Variants in PCDHGA11 observed in about 807,000 individuals in gnomAD.
PCDHGA11 encodes protocadherin gamma subfamily A, 11.
Under a neutral mutation model 60.4 loss-of-function variants are expected in PCDHGA11, and 39 were observed. That is an observed-to-expected ratio of 0.65 (90% CI 0.50 to 0.84). The LOEUF is 0.84. Among genes scored for constraint, PCDHGA11 ranks in the 40% least tolerant of loss-of-function variants. The pLI is 0.00. For missense variants in PCDHGA11, 1,165 were observed against 1,197.7 expected (o/e 0.97, Z 0.40); for synonymous variants, 533 against 510.3 (o/e 1.04, Z -0.60).
chr5:141,485,214 G>T lies in PCDHGA11; in HGVS notation c.2434-9593G>T. 6.2e-7 allele frequency: 1 copy of T among 1,614,164 alleles called. No individual in the cohort carries two copies. The highest frequency in any genetic ancestry group is 8.5e-7 in the Non-Finnish European group (1 of 1,179,996). On this transcript the variant is annotated intron_variant, in intron 1 of 3. Transcript: ENST00000398587. This position sits in a 1 kb window ranked among gnomAD's most constrained non-coding sequence, Gnocchi z 5.7. ...AGAAGCTGGACAGAAATCTGGCGGT[G>T]GGCTACCCTTTTGTTCCTCTTTTAC...
rs759779291 is a variant in PCDHGA11, at chr5:141,421,860, C to T, written c.633C>T (p.Leu211=). The T allele has an allele frequency of 6.2e-7, 1 of 1,613,750 alleles. No homozygotes were observed. ...LDREKEAAHL[L]LLTALDGGDP... The stretch of plus-strand genomic sequence containing the variant: ...GAGAGAAAGAGGCTGCTCACCTGCT[C>T]CTCCTCACAGCTTTAGATGGAGGCG... Residue 211 remains leucine, a synonymous_variant, in exon 1 of 4, where the codon CTC becomes CTT. Coordinates refer to ENST00000398587, the MANE Select transcript of PCDHGA11 (RefSeq NM_018914.3).
chr5:141,421,309 C>T lies in PCDHGA11; in HGVS notation c.82C>T (p.Arg28Trp), dbSNP rs781110850. 5.6e-6 allele frequency: 9 copies of T among 1,613,516 alleles called. No homozygotes were observed. Among genetic ancestry groups the T allele is most frequent in the Admixed American group, 1.7e-5 (1 of 59,968 alleles). The change falls in exon 1 of 4, where the codon CGG (arginine) becomes TGG (tryptophan). Residue 28 changes from arginine to tryptophan, a missense_variant. Transcript: ENST00000398587. ...CIFLGTLRGFRARQIRYSVPE... is the reference protein window; with the variant it reads ...CIFLGTLRGFWARQIRYSVPE... The stretch of plus-strand genomic sequence containing the variant: ...TTTCCTGGGGACGCTGCGGGGGTTC[C>T]GGGCCAGGCAGATCCGATATTCGGT...
intron 2 of PCDHGA11, 117 bp downstream of exon 2, chr5:141,494,982 G>C: frequency 6.4e-7 from 1 of 1,563,940 alleles, no homozygotes; most frequent in Non-Finnish European, 8.7e-7. Context: ...CTCAGTTTGA[G>C]ATCCCAGGGA....
At chr5:141,510,431 G>A (rs912708135) in intron 3 of PCDHGA11, among the ~76,000 whole-genome samples, 9 of 152,132 alleles carry the variant, frequency 5.9e-5, no homozygotes, top group African/African-American at 1.9e-4. Flanking sequence ...TTTCATGGCT[G>A]CTGCCCTCCA....
Position 141,511,252 on chromosome 5 carries a change from G to C in PCDHGA11, c.*79G>C. 6.4e-7 allele frequency: 1 copy of C among 1,568,260 alleles called. No homozygotes were observed. The highest frequency in any genetic ancestry group is 8.6e-7 in the Non-Finnish European group (1 of 1,157,002). On this transcript the variant is annotated 3_prime_UTR_variant, in exon 4 of 4. Coordinates refer to ENST00000398587, the MANE Select transcript of PCDHGA11 (RefSeq NM_018914.3). ...TCTCCTTACCTGCACCCAGGCCTCA[G>C]AGTTTCAGGGCTAACCCCCAGAATA... is the stretch of plus-strand genomic sequence containing the variant.
Position 141,511,250 on chromosome 5 carries a change from CAG to C in PCDHGA11, c.*80_*81del. 2 of 1,571,674 alleles carry C rather than the reference CAG, an allele frequency of 1.3e-6. No homozygotes were observed. Among genetic ancestry groups the C allele is most frequent in the Non-Finnish European group, 1.7e-6 (2 of 1,158,794 alleles). On this transcript the variant is annotated 3_prime_UTR_variant, in exon 4 of 4. Transcript: ENST00000398587. ...CTTCTCCTTACCTGCACCCAGGCCT[CAG>C]AGTTTCAGGGCTAACCCCCAGAATA...
chr5:141,477,747 C>A lies in PCDHGA11; in HGVS notation c.2434-17060C>A. ...ACAGCTCATATCAGCGATGGGGGCA[C>A]CCCGGTCCTAGCCACCAACATCAGC... On this transcript the variant is annotated intron_variant, in intron 1 of 3. Coordinates refer to ENST00000398587, the MANE Select transcript of PCDHGA11 (RefSeq NM_018914.3). The surrounding 1 kb of genome is among the most constrained non-coding windows in gnomAD (Gnocchi z 4.9). 1.9e-6 allele frequency: 3 copies of A among 1,613,840 alleles called. No individual in the cohort carries two copies. The highest frequency in any genetic ancestry group is 2.5e-6 in the Non-Finnish European group (3 of 1,180,044).
At position 141,450,045 on chromosome 5, in the gene PCDHGA11, C is replaced by T. The variant is rs369046547; in HGVS notation, c.2433+26385C>T. On this transcript the variant is annotated intron_variant, in intron 1 of 3. Transcript: ENST00000398587. Reference sequence around the variant, plus strand: ...TTTTTGAGACAGGGTCTCACTCTTTCGCCCAGGCTGGAATGCAGTGGTATG... The same window carrying T: ...TTTTTGAGACAGGGTCTCACTCTTTTGCCCAGGCTGGAATGCAGTGGTATG... 4.6e-5 allele frequency among the ~76,000 whole-genome samples: 6 copies of T among 129,508 alleles called. No individual in the cohort carries two copies. In the South Asian group the frequency reaches 9.6e-4, roughly 21 times the overall value. 85.0% of individuals were successfully genotyped at this position (129,508 alleles called of 152,430 possible).
At chr5:141,503,363 G>A (rs2099819478) in intron 2 of PCDHGA11, among the ~76,000 whole-genome samples, 2 of 152,132 alleles carry the variant, frequency 1.3e-5, no homozygotes, top group East Asian at 1.9e-4. Context: ...TTGGGAAGCG[G>A]AGGCAGGTGG....
In PCDHGA11 at chr5:141,477,696, A is replaced by T. The variant is rs778604051; in HGVS notation, c.2434-17111A>T. The T allele has an allele frequency of 2.1e-5, 34 of 1,614,054 alleles. No individual in the cohort carries two copies. Among genetic ancestry groups the T allele is most frequent in the Non-Finnish European group, 2.9e-5 (34 of 1,180,044 alleles). On this transcript the variant is annotated intron_variant, in intron 1 of 3. Transcript: ENST00000398587. This position sits in a 1 kb window ranked among gnomAD's most constrained non-coding sequence, Gnocchi z 4.9. ...GTGTCATCCTTAGTGCCCCTAGACT[A>T]TGAGGATCGGCGGGAATTTGAATTA...
intron 1 of PCDHGA11, chr5:141,424,652 G>T (rs1392693867): frequency 6.6e-6 from 1 of 152,120 alleles, no homozygotes; most frequent in East Asian, 1.9e-4. Context: ...AAGGTATTTG[G>T]ACTTTAATTA....
At chr5:141,478,454 A>G (rs766350066) in intron 1 of PCDHGA11, 4 of 1,613,596 alleles carry the variant, frequency 2.5e-6, no homozygotes, top group Non-Finnish European at 3.4e-6. Context: ...TGGTGCAGCC[A>G]GTCCACTGGC....
chr5:141,428,167 G>GCGTGA (rs746443726), intron 1 of PCDHGA11: 3 of 1,548,998 alleles, frequency 1.9e-6, no homozygotes, highest in South Asian at 1.1e-5. Context: ...TGGTTGCTGT[G>GCGTGA]CGTGACGGAG....
In PCDHGA11 at chr5:141,421,516, T is replaced by C. The variant is rs199973694; in HGVS notation, c.289T>C (p.Cys97Arg). The C allele has an allele frequency of 6.8e-6, 11 of 1,614,064 alleles. No homozygotes were observed. Among genetic ancestry groups the C allele is most frequent in the Non-Finnish European group, 9.3e-6 (11 of 1,179,902 alleles). ...AGGCAGGATAGACCGGGAGGAGCTC[T>C]GTGAGACGGTGTCCTCCTGTTTTTT... ...TAGRIDREEL[C>R]ETVSSCFLNM... Residue 97 changes from cysteine to arginine, a missense_variant, in exon 1 of 4, where the codon TGT (cysteine) becomes CGT (arginine). Transcript: ENST00000398587.
At chr5:141,455,552 G>T (rs897699654) in intron 1 of PCDHGA11, among the ~76,000 whole-genome samples, 1 of 152,144 alleles carries the variant, frequency 6.6e-6, no homozygotes, top group African/African-American at 2.4e-5. Flanking sequence ...CGTAGCCCGA[G>T]AAAAAGCTGG....
intron 1 of PCDHGA11, chr5:141,426,874 C>T: frequency 2.2e-6 from 1 of 456,654 alleles, no homozygotes; most frequent in Non-Finnish European, 4.4e-6. Context: ...CTGGAGAAGC[C>T]CCTGGGCCAG....
chr5:141,455,919 A>T, intron 1 of PCDHGA11, among the ~76,000 whole-genome samples: 1 of 145,568 alleles, frequency 6.9e-6, no homozygotes, highest in Non-Finnish European at 1.5e-5. Context: ...TTATTTTGAG[A>T]CGGAGTCTCG....
chr5:141,427,798 T>A, intron 1 of PCDHGA11: 1 of 1,506,550 alleles, frequency 6.6e-7, no homozygotes. Context: ...TACGTGTCCG[T>A]GAGCGCACAG....
chr5:141,442,779 A>G (rs1453800627), intron 1 of PCDHGA11, among the ~76,000 whole-genome samples: 1 of 152,160 alleles, frequency 6.6e-6, no homozygotes, highest in Non-Finnish European at 1.5e-5. Context: ...GTTTGATTAT[A>G]TTTTATAATT....
Sources: gnomAD v4.1 joint callset for allele counts (sites outside exome capture counted in the v4.1 genomes callset) on GRCh38, gnomAD v4.1.1 for gene constraint, Gnocchi (gnomAD v3.1) non-coding constraint, MANE v1.5 for transcripts, NCBI Gene and HGNC (gene_info 2026-07-23, HGNC 2026-07-21) for gene names.